The following MTSS1 variants were observed in gnomAD, a reference collection of about 807,000 sequenced individuals.
MTSS1 encodes the protein MTSS I-BAR domain containing 1.
A neutral mutation model predicts 79.0 loss-of-function variants in MTSS1; 18 were observed. That is an observed-to-expected ratio of 0.23 (90% CI 0.16 to 0.34). The LOEUF (loss-of-function observed/expected upper bound fraction) is 0.34. Among genes scored for constraint, MTSS1 ranks in the 10% least tolerant of loss-of-function variants. The pLI is 1.00. For missense variants in MTSS1, 815 were observed against 986.2 expected (o/e 0.83, Z 2.33); for synonymous variants, 341 against 368.6 (o/e 0.93, Z 0.86).
chr8:124,696,907 A>T (rs186204092), intron 3 of MTSS1, among the ~76,000 whole-genome samples: 1 of 151,976 alleles, frequency 6.6e-6, no homozygotes, highest in East Asian at 1.9e-4. Context: ...CTATGAGATT[A>T]TTTGCCTTTG....
At chr8:124,609,705 G>A (rs1486545658) in intron 3 of MTSS1, among the ~76,000 whole-genome samples, 1 of 152,140 alleles carries the variant, frequency 6.6e-6, no homozygotes, top group African/African-American at 2.4e-5. Context: ...ATTAGACAGC[G>A]ACCACCTTGG....
chr8:124,716,098 A>C (rs1215429608), intron 1 of MTSS1, among the ~76,000 whole-genome samples: 1 of 152,224 alleles, frequency 6.6e-6, no homozygotes, highest in Non-Finnish European at 1.5e-5. Context: ...ATAGACAGAA[A>C]GAGACCAAAG....
chr8:124,551,827 G>A lies in MTSS1; in HGVS notation c.*1165C>T, dbSNP rs937813282. 4 of 152,530 alleles carry A rather than the reference G, an allele frequency of 2.6e-5. No homozygotes were observed. The highest frequency in any genetic ancestry group is 1.3e-4 in the Admixed American group (2 of 15,270). The allele number at this position is 152,530 out of a possible 1,614,324, so 9.4% of individuals were successfully genotyped here. ...ATAAACAAATCCTCCTCTCTTCAAT[G>A]TTTACTGTAAAGCCAGTTAACTGCC... On this transcript the variant is annotated 3_prime_UTR_variant, in exon 14 of 14. Transcript: ENST00000518547.
intron 3 of MTSS1, among the ~76,000 whole-genome samples, chr8:124,610,807 C>T (rs964758074): frequency 6.6e-6 from 1 of 152,168 alleles, no homozygotes; most frequent in Non-Finnish European, 1.5e-5. Flanking sequence ...CAGGTTTAGG[C>T]TCTGGCAATG....
chr8:124,599,482 CAAAAAAAAAA>C (rs202122400), intron 3 of MTSS1, among the ~76,000 whole-genome samples: 7 of 85,750 alleles, frequency 8.2e-5, no homozygotes, highest in Non-Finnish European at 2.0e-4. Context: ...GACTCCGTCT[CAAAAAAAAAA>C]AAAAAAAAAA....
At chr8:124,654,288 G>C (rs997933621) in intron 3 of MTSS1, among the ~76,000 whole-genome samples, 5 of 152,070 alleles carry the variant, frequency 3.3e-5, no homozygotes, top group Non-Finnish European at 5.9e-5. Flanking sequence ...CACCGTCTTC[G>C]CTCATCCAGT....
At chr8:124,641,594 T>C (rs1211047607) in intron 3 of MTSS1, among the ~76,000 whole-genome samples, 1 of 152,212 alleles carries the variant, frequency 6.6e-6, no homozygotes, top group African/African-American at 2.4e-5. Flanking sequence ...TCTCCCACAG[T>C]GCCTAGCAAC....
At chr8:124,586,617 C>G (rs888847217) in intron 5 of MTSS1, among the ~76,000 whole-genome samples, 3 of 152,174 alleles carry the variant, frequency 2.0e-5, no homozygotes, top group Admixed American at 6.5e-5. Flanking sequence ...CGTGTGGCTG[C>G]TACTCGGGTC....
chr8:124,728,099 G>T lies in MTSS1; in HGVS notation c.-144C>A. On this transcript the variant is annotated 5_prime_UTR_variant, in exon 1 of 14. Transcript: ENST00000518547. The surrounding 1 kb of genome is among the most constrained non-coding windows in gnomAD (Gnocchi z 6.1). Reference sequence around the variant, plus strand: ...GCCTCTTCTGCAGCGAGGACGGGGTGCACCAGACCGACTGTTCTCTGCCCA... The same window carrying T: ...GCCTCTTCTGCAGCGAGGACGGGGTTCACCAGACCGACTGTTCTCTGCCCA... 1 of 620,438 alleles carries T rather than the reference G, an allele frequency of 1.6e-6. No homozygotes were observed. The allele number at this position is 620,438 out of a possible 1,614,324, so 38.4% of individuals were successfully genotyped here. A position where few individuals can be genotyped will look rare whatever the true frequency, so the allele number is the denominator to read the frequency against.
intron 1 of MTSS1, among the ~76,000 whole-genome samples, chr8:124,718,553 C>T (rs117045236): frequency 0.014 from 2,122 of 152,248 alleles, 26 homozygotes; most frequent in Non-Finnish European, 0.022. Context: ...AGTAAACAGC[C>T]ACTTCAAAAC....
chr8:124,698,888 A>G (rs1017032882), intron 3 of MTSS1, among the ~76,000 whole-genome samples: 3 of 150,576 alleles, frequency 2.0e-5, no homozygotes, highest in Non-Finnish European at 4.5e-5. Flanking sequence ...TACTTTTCAC[A>G]TGTTATGAAT....
At chr8:124,698,652 C>T (rs951072848) in intron 3 of MTSS1, among the ~76,000 whole-genome samples, 4 of 151,942 alleles carry the variant, frequency 2.6e-5, no homozygotes, top group Non-Finnish European at 5.9e-5. Flanking sequence ...GCTGGAATTA[C>T]AGGCACGTGC....
intron 10 of MTSS1, 85 bp downstream of exon 10, chr8:124,562,697 C>A: frequency 7.4e-7 from 1 of 1,353,976 alleles, no homozygotes; most frequent in Admixed American, 1.8e-5. Flanking sequence ...ATTGTCTAAG[C>A]CAAGGTGCTT....
rs756311246 is a variant in MTSS1 at position 124,727,938 on chromosome 8, C to G, written c.18G>C (p.Glu6Asp). The G allele has an allele frequency of 1.2e-6, 2 of 1,610,382 alleles. No individual in the cohort carries two copies. Among genetic ancestry groups the G allele is most frequent in the African/African-American group, 2.7e-5 (2 of 74,630 alleles). Residue 6 changes from glutamate (E) to aspartate (D), a missense_variant, in exon 1 of 14, where the codon GAG becomes GAC. Around this residue, in one of 2 missense-constraint regions of MTSS1, gnomAD observed 225 missense variants for 365.4 expected, o/e 0.62. Transcript: ENST00000518547. The surrounding 1 kb of genome is among the most constrained non-coding windows in gnomAD (Gnocchi z 4.7). The part of the protein sequence containing the change: MEAVI[E>D]KECSALGGLF... ...GGCCTCCGAGCGCGCTGCATTCCTT[C>G]TCAATCACAGCCTCCATTTTCCCGG...
Position 124,727,925 on chromosome 8 carries a change from C to T in MTSS1, c.31G>A (p.Ala11Thr), listed in dbSNP as rs767279010. 2 of 1,610,182 alleles carry T rather than the reference C, an allele frequency of 1.2e-6. No homozygotes were observed. The highest frequency in any genetic ancestry group is 2.2e-5 in the South Asian group (2 of 90,590). ...ATGGTCTGGAAGAGGCCTCCGAGCGCGCTGCATTCCTTCTCAATCACAGCC... is the reference window on the plus strand; with the variant it reads ...ATGGTCTGGAAGAGGCCTCCGAGCGTGCTGCATTCCTTCTCAATCACAGCC... MEAVIEKECSALGGLFQTIIS... is the reference protein window; with the variant it reads MEAVIEKECSTLGGLFQTIIS... The change falls in exon 1 of 14, where the codon GCG becomes ACG. Residue 11 changes from alanine to threonine, a missense_variant. Transcript: ENST00000518547. The surrounding 1 kb of genome is among the most constrained non-coding windows in gnomAD (Gnocchi z 4.7).
At chr8:124,576,577 CTGAA>C (rs999768543) in intron 6 of MTSS1, among the ~76,000 whole-genome samples, 1 of 152,188 alleles carries the variant, frequency 6.6e-6, no homozygotes, top group Non-Finnish European at 1.5e-5. Context: ...TACCCCTTTC[CTGAA>C]TGAATGAATG....
In MTSS1 at chr8:124,568,444, G is replaced by A. The variant is rs768769013; in HGVS notation, c.553C>T (p.Arg185Trp). ...CCACGTTCTTCAATCAAAGCCTTCC[G>A]GACAGCCTGCTTTTCTGTTTCTTCC... ...LLEETEKQAV[R>W]KALIEERGRF... Residue 185 changes from arginine (R) to tryptophan (W), a missense_variant, in exon 7 of 14, where the codon CGG becomes TGG. This residue lies in a region of MTSS1 where 225 missense variants were observed against 365.4 expected (regional missense o/e 0.62). Transcript: ENST00000518547. The A allele has an allele frequency of 3.1e-6, 5 of 1,613,986 alleles. No individual in the cohort carries two copies. Among genetic ancestry groups the A allele is most frequent in the South Asian group, 2.2e-5 (2 of 91,074 alleles).
At chr8:124,722,380 C>G (rs1429196338) in intron 1 of MTSS1, among the ~76,000 whole-genome samples, 1 of 152,104 alleles carries the variant, frequency 6.6e-6, no homozygotes, top group Non-Finnish European at 1.5e-5. Context: ...TGAGAGAGCC[C>G]CAAGCCTAGG....
chr8:124,557,959 A>G (rs1824371952), intron 10 of MTSS1, 84 bp from the exon 11 acceptor site: 6 of 1,091,530 alleles, frequency 5.5e-6, no homozygotes, highest in Non-Finnish European at 6.5e-6. Context: ...TGGCATTGAC[A>G]TTCAAGGGAG....
Sources: allele counts gnomAD v4.1 joint callset (sites outside exome capture counted in the v4.1 genomes callset), GRCh38; gene constraint gnomAD v4.1.1; regional missense constraint gnomAD v4.1.1; non-coding constraint Gnocchi (gnomAD v3.1); transcripts MANE v1.5; gene names NCBI Gene and HGNC (gene_info 2026-07-23, HGNC 2026-07-21).